Variants in MTOR observed in about 807,000 individuals in gnomAD.
MTOR encodes mechanistic target of rapamycin kinase, also known as serine/threonine-protein kinase mTOR.
A neutral mutation model predicts 319.8 loss-of-function variants in MTOR; 70 were observed. The ratio of observed to expected loss-of-function variants is 0.22; its 90% confidence interval spans 0.18 to 0.27. The LOEUF (loss-of-function observed/expected upper bound fraction) is 0.27. MTOR is among the 10% of genes least tolerant of loss of function. The pLI, the probability that MTOR is intolerant of heterozygous loss-of-function variation, is 1.00. For synonymous variants in MTOR, 1,183 were observed against 1,211.4 expected (o/e 0.98, Z 0.49); for missense variants, 1,890 against 3,274.4 (o/e 0.58, Z 10.32).
At chr1:11,250,361 C>T (rs1295253896) in intron 6 of MTOR, among the ~76,000 whole-genome samples, 1 of 152,326 alleles carries the variant, frequency 6.6e-6, no homozygotes, top group East Asian at 1.9e-4. Context: ...CAGAGGCGCC[C>T]CTCAACCAGT....
intron 11 of MTOR, among the ~76,000 whole-genome samples, 180 bp from the exon 12 acceptor site, chr1:11,238,797 C>T (rs1161450047): frequency 6.7e-6 from 1 of 148,746 alleles, no homozygotes; most frequent in Non-Finnish European, 1.5e-5. Context: ...GAGTCTTGCT[C>T]TGTCGCCCAG....
intron 6 of MTOR, among the ~76,000 whole-genome samples, chr1:11,251,873 G>A (rs988702281): frequency 1.3e-5 from 2 of 152,112 alleles, no homozygotes; most frequent in African/African-American, 2.4e-5. Context: ...TGAGCTAGGT[G>A]ATACTGTCCT....
At chr1:11,161,171 G>A (rs200932094) in intron 29 of MTOR, among the ~76,000 whole-genome samples, 8 of 152,306 alleles carry the variant, frequency 5.3e-5, no homozygotes, top group South Asian at 4.2e-4. Flanking sequence ...CCACGCCCAC[G>A]GAGCCTTGCT....
chr1:11,118,399 G>A (rs1361531072), intron 49 of MTOR, among the ~76,000 whole-genome samples: 2 of 150,626 alleles, frequency 1.3e-5, no homozygotes, highest in Admixed American at 1.3e-4. Context: ...ACCATGCCCA[G>A]CTAATTTTTG....
At chr1:11,141,356 G>T (rs1643692516) in intron 34 of MTOR, among the ~76,000 whole-genome samples, 1 of 151,904 alleles carries the variant, frequency 6.6e-6, no homozygotes, top group Non-Finnish European at 1.5e-5. Flanking sequence ...TAAGCTATCT[G>T]CCTGCCTCAG....
At chr1:11,232,351 T>C (rs1647047265) in intron 16 of MTOR, 85 bp downstream of exon 16, 1 of 935,852 alleles carries the variant, frequency 1.1e-6, no homozygotes, top group Non-Finnish European at 1.7e-6. Flanking sequence ...AGGCACTGGG[T>C]GAGGACACTA....
chr1:11,248,541 G>C (rs1190686607), intron 6 of MTOR, among the ~76,000 whole-genome samples: 2 of 152,224 alleles, frequency 1.3e-5, no homozygotes, highest in Non-Finnish European at 2.9e-5. Context: ...GCCAGGCGTG[G>C]TGGCTCATGC....
intron 13 of MTOR, 47 bp downstream of exon 13, chr1:11,237,794 CGA>C: frequency 1.2e-6 from 2 of 1,600,324 alleles, no homozygotes; most frequent in Non-Finnish European, 1.7e-6. Context: ...GTTCTCACAG[CGA>C]GAGTCCTGTC....
At chr1:11,125,378 ATGAT>A (rs925867821) in intron 46 of MTOR, among the ~76,000 whole-genome samples, 25 of 152,208 alleles carry the variant, frequency 1.6e-4, no homozygotes, top group African/African-American at 5.3e-4. Context: ...CCTGTGGACC[ATGAT>A]TAATTGGTGT....
intron 28 of MTOR, among the ~76,000 whole-genome samples, chr1:11,184,244 G>A (rs1440675729): frequency 1.3e-5 from 2 of 152,148 alleles, no homozygotes; most frequent in African/African-American, 2.4e-5. Flanking sequence ...GAAGTAATAT[G>A]TCCATGGCCA....
intron 28 of MTOR, among the ~76,000 whole-genome samples, chr1:11,191,305 A>G (rs1259483596): frequency 1.3e-5 from 2 of 152,278 alleles, no homozygotes; most frequent in East Asian, 3.9e-4. Context: ...GGAAGCAGTA[A>G]GTTGGTGCTT....
rs718206 is a variant in MTOR at position 11,234,417 on chromosome 1, T to A, written c.2209-152A>T. On this transcript the variant is annotated intron_variant, in intron 13 of 57. Coordinates refer to ENST00000361445, the MANE Select transcript of MTOR (RefSeq NM_004958.4). ...GCTAGATACTCAATGAGCAACAGAC[T>A]TTTCTGCAACAGGCAGAACAGCCTT... is the stretch of plus-strand genomic sequence containing the variant. 0.72 allele frequency: 606,357 copies of A among 843,986 alleles called. 224,584 individuals carry two copies. The highest frequency in any genetic ancestry group is 0.9 in the East Asian group (36,332 of 40,376). 52.3% of individuals were successfully genotyped at this position (843,986 alleles called of 1,614,324 possible). A position where few individuals can be genotyped will look rare whatever the true frequency, so the allele number is the denominator to read the frequency against.
chr1:11,230,247 C>G (rs768810215), intron 18 of MTOR, among the ~76,000 whole-genome samples: 1 of 152,094 alleles, frequency 6.6e-6, no homozygotes, highest in Non-Finnish European at 1.5e-5. Flanking sequence ...ATGGCAAAAC[C>G]CCTCCCTACT....
intron 57 of MTOR, 72 bp downstream of exon 57, chr1:11,108,109 C>T: frequency 2.4e-6 from 3 of 1,240,404 alleles, no homozygotes; most frequent in East Asian, 2.3e-5. Flanking sequence ...CTTTTTGCTA[C>T]TCTGGCTTTG....
At chr1:11,245,753 T>C (rs983491505) in intron 8 of MTOR, among the ~76,000 whole-genome samples, 1 of 151,962 alleles carries the variant, frequency 6.6e-6, no homozygotes, top group Non-Finnish European at 1.5e-5. Context: ...AAAAATAAAT[T>C]TAAAAAATTA....
rs760144268 is a variant in MTOR at position 11,129,765 on chromosome 1, C to T, written c.5687G>A (p.Arg1896Gln). 14 of 1,614,018 alleles carry T rather than the reference C, an allele frequency of 8.7e-6. No individual in the cohort carries two copies. Among genetic ancestry groups the T allele is most frequent in the South Asian group, 7.7e-5 (7 of 91,082 alleles). The change falls in exon 40 of 58, where the codon CGA becomes CAA. Residue 1896 changes from arginine to glutamine, a missense_variant. By Grantham distance (43) the Arg-to-Gln change is conservative. Transcript: ENST00000361445. This position sits in a 1 kb window ranked among gnomAD's most constrained non-coding sequence, Gnocchi z 4.7. Reference sequence around the variant, plus strand: ...GAGTGTATCCTGGAGGTTGTTGCCTCGTGACAAGGAGATGGAACGGAAGAA... The same window carrying T: ...GAGTGTATCCTGGAGGTTGTTGCCTTGTGACAAGGAGATGGAACGGAAGAA... Reference protein sequence around the residue: ...QGFFRSISLSRGNNLQDTLRV... With the variant: ...QGFFRSISLSQGNNLQDTLRV...
Position 11,112,921 on chromosome 1 carries a change from G to A in MTOR, c.7301-4C>T, listed in dbSNP as rs1284870281. 3 of 1,613,896 alleles carry A rather than the reference G, an allele frequency of 1.9e-6. No homozygotes were observed. Among genetic ancestry groups the A allele is most frequent in the Admixed American group, 3.3e-5 (2 of 59,934 alleles). ...CGCTTGTTGCCTTTGGTATTTGCTA[G>A]GGAGAGAAATAAAGAGTATTGAAAC... On this transcript the variant is annotated splice_region_variant and splice_polypyrimidine_tract_variant and intron_variant, in intron 53 of 57. Transcript: ENST00000361445.
chr1:11,179,014 T>C (rs1047525002), intron 28 of MTOR, among the ~76,000 whole-genome samples: 9 of 152,096 alleles, frequency 5.9e-5, no homozygotes, highest in Admixed American at 4.6e-4. Flanking sequence ...CCATTCTGGG[T>C]TCAGGGAAAA....
chr1:11,160,687 T>C (rs1483054741), intron 29 of MTOR, among the ~76,000 whole-genome samples: 1 of 152,224 alleles, frequency 6.6e-6, no homozygotes, highest in Non-Finnish European at 1.5e-5. Flanking sequence ...CCAAATTACA[T>C]GAAGTATATA....
Sources: allele counts gnomAD v4.1 joint callset (sites outside exome capture counted in the v4.1 genomes callset), GRCh38; gene constraint gnomAD v4.1.1; non-coding constraint Gnocchi (gnomAD v3.1); transcripts MANE v1.5; gene names NCBI Gene and HGNC (gene_info 2026-07-23, HGNC 2026-07-21).